Variants in UTRN observed in about 807,000 individuals in gnomAD.
The protein encoded by UTRN is dystrophin-related protein 1.
UTRN carries 283 observed loss-of-function variants against 463.9 expected under a neutral mutation model. The ratio of observed to expected loss-of-function variants is 0.61; its 90% CI spans 0.55 to 0.67. The LOEUF is 0.67. UTRN is among the 30% of genes least tolerant of loss of function. The pLI is 0.00. For synonymous variants in UTRN, 1,442 were observed against 1,431.5 expected (o/e 1.01, Z -0.17); for missense variants, 3,922 against 4,084.3 (o/e 0.96, Z 1.08).
At chr6:144,609,967 A>G (rs1159922777) in intron 51 of UTRN, among the ~76,000 whole-genome samples, 4 of 152,156 alleles carry the variant, frequency 2.6e-5, no homozygotes, top group Non-Finnish European at 4.4e-5. Context: ...AAATGCCTAT[A>G]TCAAGAAAGA....
intron 53 of UTRN, among the ~76,000 whole-genome samples, 198 bp downstream of exon 53, chr6:144,700,441 A>T (rs73591964): frequency 0.011 from 1,738 of 151,998 alleles, 33 homozygotes; most frequent in African/African-American, 0.04. Flanking sequence ...ATTTAACTAA[A>T]TTTTTTTCAA....
intron 25 of UTRN, among the ~76,000 whole-genome samples, chr6:144,476,252 C>G (rs1791184909): frequency 6.6e-6 from 1 of 151,256 alleles, no homozygotes; most frequent in Non-Finnish European, 1.5e-5. Flanking sequence ...TTGCACTCGG[C>G]CTCTCTCTGG....
rs776562577 is a variant in UTRN at position 144,828,868 on chromosome 6, T to A, written c.9665+13T>A. ...CCACAGGAAGTGTGTAAGTAAATCA[T>A]GAAATTAGTGCTGCCTGGGAAGGCT... is the stretch of plus-strand genomic sequence containing the variant. On this transcript the variant is annotated intron_variant, in intron 69 of 74. Coordinates refer to ENST00000367545, the MANE Select transcript of UTRN (RefSeq NM_007124.3). 5.5e-5 allele frequency: 89 copies of A among 1,612,746 alleles called. No homozygotes were observed. Among genetic ancestry groups the A allele is most frequent in the Non-Finnish European group, 7.0e-5 (83 of 1,179,190 alleles).
At position 144,551,083 on chromosome 6, in the gene UTRN, G is replaced by C. The variant is rs1168213905; in HGVS notation, c.6928+1G>C. 1 of 1,583,252 alleles carries C rather than the reference G, an allele frequency of 6.3e-7. No homozygotes were observed. Among genetic ancestry groups the C allele is most frequent in the Admixed American group, 1.9e-5 (1 of 53,034 alleles). On this transcript the variant is annotated splice_donor_variant, in intron 48 of 74. Coordinates refer to ENST00000367545, the MANE Select transcript of UTRN (RefSeq NM_007124.3). LOFTEE classifies it high-confidence loss of function. The stretch of plus-strand genomic sequence containing the variant: ...ATGAGAACAGCAATTACAGAAAAAT[G>C]TAAGTTTTTTAAAAAAAGTTATGTA...
intron 51 of UTRN, among the ~76,000 whole-genome samples, chr6:144,671,819 T>G (rs1157691743): frequency 6.6e-6 from 1 of 152,122 alleles, no homozygotes; most frequent in Non-Finnish European, 1.5e-5. Context: ...TTTATTACCT[T>G]AAGGAATGTC....
At chr6:144,374,186 T>G (rs1450604912) in intron 2 of UTRN, among the ~76,000 whole-genome samples, 1 of 152,242 alleles carries the variant, frequency 6.6e-6, no homozygotes, top group Non-Finnish European at 1.5e-5. Context: ...TTTTTATTTT[T>G]GGTTGAATAA....
In UTRN at chr6:144,513,987, T is replaced by C. The variant is rs114806014; in HGVS notation, c.5023T>C (p.Leu1675=). 12 of 1,613,868 alleles carry C rather than the reference T, an allele frequency of 7.4e-6. No homozygotes were observed. The East Asian group carries it at 1.3e-4, about 18-fold the overall frequency. Residue 1675 remains leucine (L), a synonymous_variant, in exon 36 of 75, where the codon TTG becomes CTG. Coordinates refer to ENST00000367545, the MANE Select transcript of UTRN (RefSeq NM_007124.3). The stretch of plus-strand genomic sequence containing the variant: ...CTGGCTTTATCAAGCTGAAGCTCTA[T>C]TGGATGAAATTGAAAAGAAACCAAC... The part of the protein sequence containing the change: ...STWLYQAEAL[L]DEIEKKPTSK...
At chr6:144,534,871 T>A (rs1014242401) in intron 43 of UTRN, among the ~76,000 whole-genome samples, 2 of 152,196 alleles carry the variant, frequency 1.3e-5, no homozygotes, top group African/African-American at 4.8e-5. Flanking sequence ...TATAAATTTC[T>A]TCTAGGGAGG....
intron 34 of UTRN, among the ~76,000 whole-genome samples, chr6:144,499,965 A>C (rs1055074063): frequency 6.6e-6 from 1 of 152,182 alleles, no homozygotes; most frequent in Non-Finnish European, 1.5e-5. Flanking sequence ...TTATGGTTGT[A>C]TGGTACTCCA....
rs938888732 is a variant in UTRN at position 144,851,250 on chromosome 6, G to A, written c.*253G>A. ...CAAGTGTAAATTAATGAACAGAGAG[G>A]TATTTGGAAATGGTAATACATTTGT... On this transcript the variant is annotated 3_prime_UTR_variant, in exon 75 of 75. Coordinates refer to ENST00000367545, the MANE Select transcript of UTRN (RefSeq NM_007124.3). 1.7e-5 allele frequency: 9 copies of A among 539,402 alleles called. No homozygotes were observed. Among genetic ancestry groups the A allele is most frequent in the Non-Finnish European group, 3.0e-5 (9 of 302,724 alleles). 33.4% of individuals were successfully genotyped at this position (539,402 alleles called of 1,614,324 possible). A position where few individuals can be genotyped will look rare whatever the true frequency, so the allele number is the denominator to read the frequency against.
intron 59 of UTRN, 47 bp downstream of exon 59, chr6:144,772,015 GGTTTTTTTTTTTTT>G: frequency 4.2e-6 from 1 of 239,820 alleles, no homozygotes; most frequent in South Asian, 6.6e-5. Flanking sequence ...ACTGAGAACC[GGTTTTTTTTTTTTT>G]TTTTTTTTTT....
intron 51 of UTRN, among the ~76,000 whole-genome samples, chr6:144,670,196 A>G (rs1780859121): frequency 6.6e-6 from 1 of 151,208 alleles, no homozygotes; most frequent in Non-Finnish European, 1.5e-5. Context: ...TTCTTTAAGG[A>G]CTCTCCATAC....
At chr6:144,740,923 C>T (rs1789994166) in intron 54 of UTRN, among the ~76,000 whole-genome samples, 2 of 152,112 alleles carry the variant, frequency 1.3e-5, no homozygotes. Flanking sequence ...ATCACATTTG[C>T]CTCATAAAAA....
chr6:144,343,410 A>AC (rs1562270884), intron 2 of UTRN, among the ~76,000 whole-genome samples: 82 of 143,480 alleles, frequency 5.7e-4, no homozygotes, highest in African/African-American at 2.1e-3. Flanking sequence ...ACACACACAC[A>AC]ATAGCCGGGC....
chr6:144,806,883 C>CTG (rs1470084077), intron 65 of UTRN, among the ~76,000 whole-genome samples: 6 of 102,026 alleles, frequency 5.9e-5, no homozygotes, highest in African/African-American at 1.0e-4. Flanking sequence ...ATTCAGAAAT[C>CTG]ATTGCTTTCT....
chr6:144,566,010 G>A (rs1409069501), intron 50 of UTRN, among the ~76,000 whole-genome samples: 2 of 152,152 alleles, frequency 1.3e-5, no homozygotes, highest in Non-Finnish European at 2.9e-5. Context: ...TAAATGCAGA[G>A]GGGACAAAGG....
chr6:144,603,828 G>C (rs929941323), intron 51 of UTRN, among the ~76,000 whole-genome samples: 1 of 152,084 alleles, frequency 6.6e-6, no homozygotes, highest in African/African-American at 2.4e-5. Context: ...AAAATAACTA[G>C]TATTTTTAAG....
At chr6:144,354,169 A>G (rs1043702126) in intron 2 of UTRN, among the ~76,000 whole-genome samples, 1 of 152,198 alleles carries the variant, frequency 6.6e-6, no homozygotes, top group Non-Finnish European at 1.5e-5. Flanking sequence ...CTAAAGCAGT[A>G]AATGAGAAAG....
Position 144,423,610 on chromosome 6 carries a change from T to C in UTRN, c.296T>C (p.Val99Ala). The C allele has an allele frequency of 1.2e-6, 2 of 1,614,202 alleles. No individual in the cohort carries two copies. Among genetic ancestry groups the C allele is most frequent in the Non-Finnish European group, 1.7e-6 (2 of 1,180,038 alleles). The change falls in exon 5 of 75, where the codon GTT (valine) becomes GCT (alanine). Residue 99 changes from valine to alanine, a missense_variant. By Grantham distance (64) the Val-to-Ala change is moderately conservative (BLOSUM62 0). Coordinates refer to ENST00000367545, the MANE Select transcript of UTRN (RefSeq NM_007124.3). ...ALNNVNRVLQ[V>A]LHQNNVELVN... is the part of the protein sequence containing the mutation. ...AATAACGTCAACAGAGTGCTGCAGGTTTTACATCAGAACAATGTAAGTGTG... is the reference window on the plus strand; with the variant it reads ...AATAACGTCAACAGAGTGCTGCAGGCTTTACATCAGAACAATGTAAGTGTG...
Sources: gnomAD v4.1 joint callset for allele counts (sites outside exome capture counted in the v4.1 genomes callset) on GRCh38, gnomAD v4.1.1 for gene constraint, MANE v1.5 for transcripts, NCBI Gene and HGNC (gene_info 2026-07-23, HGNC 2026-07-21) for gene names.